Variants in LRAT observed in about 807,000 individuals in gnomAD.
The protein encoded by LRAT is lecithin retinol acyltransferase (phosphatidylcholine--retinol O-acyltransferase).
In LRAT, 11 loss-of-function variants were observed where a neutral mutation model predicts 14.2. The observed-to-expected ratio is 0.78, with a 90% CI of 0.49 to 1.29. The LOEUF (loss-of-function observed/expected upper bound fraction) is 1.29, where lower values mean the gene tolerates loss of function less well. Among genes scored for constraint, LRAT ranks in the 50% most tolerant of loss-of-function variants. LRAT has a pLI of 0.00. For synonymous variants in LRAT, 144 were observed against 124.8 expected (o/e 1.15, Z -1.03); for missense variants, 274 against 292.4 (o/e 0.94, Z 0.46).
chr4:154,743,691 G>T (rs1395737106), upstream of LRAT, among the ~76,000 whole-genome samples: 1 of 152,014 alleles, frequency 6.6e-6, no homozygotes, highest in African/African-American at 2.4e-5. Context: ...GAAGTGCCAG[G>T]AACTCGCCCC....
chr4:154,744,213 T>G lies in LRAT; in HGVS notation c.-11T>G. On this transcript the variant is annotated 5_prime_UTR_variant, in exon 1 of 3. Coordinates refer to ENST00000336356, the MANE Select transcript of LRAT (RefSeq NM_004744.5). Reference sequence around the variant, plus strand: ...GCCGTACTTTGCGCCGTACCTCACCTGGCCTGCAGGTGAGCAGCAGCGCAG... The same window carrying G: ...GCCGTACTTTGCGCCGTACCTCACCGGGCCTGCAGGTGAGCAGCAGCGCAG... 4.4e-6 allele frequency: 5 copies of G among 1,127,972 alleles called. No individual in the cohort carries two copies. The highest frequency in any genetic ancestry group is 6.6e-6 in the Non-Finnish European group (5 of 754,784). The allele number at this position is 1,127,972 out of a possible 1,614,324, so 69.9% of individuals were successfully genotyped here.
At chr4:154,744,980 C>T in intron 2 of LRAT, 114 bp downstream of exon 2, 1 of 760,950 alleles carries the variant, frequency 1.3e-6, no homozygotes, top group South Asian at 1.5e-5. Context: ...TCCCCTACCA[C>T]TTCCATACCA....
At chr4:154,745,916 A>G (rs1732877382) in intron 2 of LRAT, among the ~76,000 whole-genome samples, 1 of 152,200 alleles carries the variant, frequency 6.6e-6, no homozygotes, top group African/African-American at 2.4e-5. Context: ...AAGGTAGATT[A>G]CATTGTTTAT....
chr4:154,743,124 AAC>A (rs1732799076), upstream of LRAT, among the ~76,000 whole-genome samples: 1 of 8,816 alleles, frequency 1.1e-4, no homozygotes, highest in Admixed American at 1.6e-3. Flanking sequence ...CGACCCCCCC[AAC>A]CCCCCCCCCC....
upstream of LRAT, among the ~76,000 whole-genome samples, chr4:154,741,393 G>T (rs1470798726): frequency 6.6e-6 from 1 of 152,204 alleles, no homozygotes; most frequent in Non-Finnish European, 1.5e-5. Context: ...CTAGCACGCA[G>T]AGCAGCAGGA....
At chr4:154,746,142 C>A (rs1732881430) in intron 2 of LRAT, among the ~76,000 whole-genome samples, 2 of 152,210 alleles carry the variant, frequency 1.3e-5, no homozygotes, top group Non-Finnish European at 2.9e-5. Flanking sequence ...GAAACTTTCT[C>A]AGCCTTCATT....
At chr4:154,747,823 T>C in intron 2 of LRAT, among the ~76,000 whole-genome samples, 1 of 152,190 alleles carries the variant, frequency 6.6e-6, no homozygotes, top group East Asian at 1.9e-4. Context: ...ACAAATAGTA[T>C]GTCTGATAGA....
In LRAT at chr4:154,744,547, T is replaced by C. The variant is rs757305596; in HGVS notation, c.221T>C (p.Met74Thr). 6.2e-7 allele frequency: 1 copy of C among 1,614,134 alleles called. No homozygotes were observed. The highest frequency in any genetic ancestry group is 1.1e-5 in the South Asian group (1 of 91,070). ...GGAGACAACCGTGTTGCCCACATGA[T>C]GCCCGACATCCTGTTGGCCCTGACA... ...YLGDNRVAHM[M>T]PDILLALTDD... is the part of the protein sequence containing the mutation. Residue 74 changes from methionine to threonine, a missense_variant, in exon 2 of 3, where the codon ATG (methionine) becomes ACG (threonine). Coordinates refer to ENST00000336356, the MANE Select transcript of LRAT (RefSeq NM_004744.5).
chr4:154,741,449 A>C (rs555328915), upstream of LRAT, among the ~76,000 whole-genome samples: 16 of 152,350 alleles, frequency 1.1e-4, no homozygotes, highest in Admixed American at 9.1e-4. Context: ...AAATCACTTA[A>C]TGGCATAACG....
upstream of LRAT, among the ~76,000 whole-genome samples, chr4:154,742,754 G>C (rs1215559010): frequency 1.3e-5 from 2 of 152,192 alleles, no homozygotes; most frequent in South Asian, 2.1e-4. Flanking sequence ...GACCACCCTC[G>C]AGGAGGCATT....
At chr4:154,747,940 C>CT (rs1732914212) in intron 2 of LRAT, among the ~76,000 whole-genome samples, 1 of 152,112 alleles carries the variant, frequency 6.6e-6, no homozygotes, top group Non-Finnish European at 1.5e-5. Flanking sequence ...ACATATTGAA[C>CT]TTGTTCATTC....
rs1228099961 is a variant in LRAT at position 154,751,109 on chromosome 4, T to C, written c.*1973T>C. On this transcript the variant is annotated 3_prime_UTR_variant, in exon 3 of 3. Coordinates refer to ENST00000336356, the MANE Select transcript of LRAT (RefSeq NM_004744.5). ...TTTTATGGTCCAGAATTAATATTAT[T>C]ATTCGTAAACTAGCTATAATAGAGT... 4 of 152,186 alleles carry C rather than the reference T, an allele frequency of 2.6e-5. No homozygotes were observed. The highest frequency in any genetic ancestry group is 9.6e-5 in the African/African-American group (4 of 41,452). 9.4% of individuals were successfully genotyped at this position (152,186 alleles called of 1,614,324 possible). A position where few individuals can be genotyped will look rare whatever the true frequency, so the allele number is the denominator to read the frequency against.
upstream of LRAT, among the ~76,000 whole-genome samples, chr4:154,741,652 A>C (rs1240074214): frequency 1.3e-5 from 2 of 152,170 alleles, no homozygotes; most frequent in Admixed American, 1.3e-4. Context: ...GCGGCCAGAA[A>C]GTGGACCCCA....
intron 2 of LRAT, among the ~76,000 whole-genome samples, chr4:154,746,056 AT>A (rs2111035110): frequency 6.6e-6 from 1 of 152,304 alleles, no homozygotes; most frequent in Non-Finnish European, 1.5e-5. Context: ...GGAAAAATGG[AT>A]TTTTATTTCC....
chr4:154,744,808 G>C lies in LRAT; in HGVS notation c.482G>C (p.Cys161Ser). Reference protein sequence around the residue: ...FTPYSLLWNNCEHFVTYCRYG... With the variant: ...FTPYSLLWNNSEHFVTYCRYG... Reference sequence around the variant, plus strand: ...CCCTACAGCCTGCTGTGGAACAACTGCGAGCACTTCGTGACCTACTGCAGA... The same window carrying C: ...CCCTACAGCCTGCTGTGGAACAACTCCGAGCACTTCGTGACCTACTGCAGA... Residue 161 changes from cysteine (C) to serine (S), a missense_variant, in exon 2 of 3, where the codon TGC (cysteine) becomes TCC (serine). Physicochemically the swap from Cys to Ser is moderately radical, Grantham distance 112. Coordinates refer to ENST00000336356, the MANE Select transcript of LRAT (RefSeq NM_004744.5). 2 of 1,614,026 alleles carry C rather than the reference G, an allele frequency of 1.2e-6. No individual in the cohort carries two copies. The highest frequency in any genetic ancestry group is 1.7e-6 in the Non-Finnish European group (2 of 1,180,024).
At chr4:154,748,075 A>G (rs891965458) in intron 2 of LRAT, 1 of 229,442 alleles carries the variant, frequency 4.4e-6, no homozygotes, top group Non-Finnish European at 7.2e-6. Context: ...AGCAAAACCC[A>G]TATAGAAATG....
Position 154,744,170 on chromosome 4 carries a change from CT to C in LRAT, c.-52del. The C allele has an allele frequency of 1.4e-6, 1 of 737,410 alleles. No individual in the cohort carries two copies. Among genetic ancestry groups the C allele is most frequent in the Non-Finnish European group, 2.3e-6 (1 of 435,550 alleles). The allele number at this position is 737,410 out of a possible 1,614,324, so 45.7% of individuals were successfully genotyped here. ...GCCAGGCCTCGCTGTCCTCCTTTGC[CT>C]TCCTCTCTCCTCAGCGGCCGTACTT... is the stretch of plus-strand genomic sequence containing the variant. On this transcript the variant is annotated 5_prime_UTR_variant, in exon 1 of 3. Transcript: ENST00000336356.
At chr4:154,746,807 G>A (rs935093838) in intron 2 of LRAT, among the ~76,000 whole-genome samples, 1 of 152,106 alleles carries the variant, frequency 6.6e-6, no homozygotes, top group African/African-American at 2.4e-5. Context: ...CTTTGTTAGG[G>A]TCTACAGAAG....
chr4:154,749,276 C>T lies in LRAT; in HGVS notation c.*140C>T. On this transcript the variant is annotated 3_prime_UTR_variant, in exon 3 of 3. Transcript: ENST00000336356. ...GATAAAAATGTGATTAGGAATCACG[C>T]AAAGTGCTTACTGTGTAAGCCCAAG... 1.0e-6 allele frequency: 1 copy of T among 957,360 alleles called. No homozygotes were observed. The highest frequency in any genetic ancestry group is 1.7e-6 in the Non-Finnish European group (1 of 602,526). 59.3% of individuals were successfully genotyped at this position (957,360 alleles called of 1,614,324 possible). A position where few individuals can be genotyped will look rare whatever the true frequency, so the allele number is the denominator to read the frequency against.
Sources: gnomAD v4.1 joint callset for allele counts (sites outside exome capture counted in the v4.1 genomes callset) on GRCh38, gnomAD v4.1.1 for gene constraint, MANE v1.5 for transcripts, NCBI Gene and HGNC (gene_info 2026-07-23, HGNC 2026-07-21) for gene names.